The following WWOX variants were observed in gnomAD, a reference collection of about 807,000 sequenced individuals.
The protein encoded by WWOX is WW domain containing oxidoreductase, also known as WW domain-containing oxidoreductase.
In WWOX, 69 loss-of-function variants were observed where a neutral mutation model predicts 46.2. The ratio of observed to expected loss-of-function variants is 1.49; its 90% confidence interval spans 1.23 to 1.82. The LOEUF (loss-of-function observed/expected upper bound fraction) is 1.82, where lower values mean the gene tolerates loss of function less well. Ranked by LOEUF, WWOX falls within the 40% of genes most tolerant of loss-of-function variation. The pLI is 0.00. For missense variants in WWOX, 919 were observed against 542.6 expected, an observed-to-expected ratio of 1.69 and a Z score of -6.89; for synonymous variants, 359 against 202.6, an observed-to-expected ratio of 1.77 and a Z score of -6.56.
intron 8 of WWOX, among the ~76,000 whole-genome samples, chr16:79,058,419 C>T (rs1448368631): frequency 6.6e-6 from 1 of 151,570 alleles, no homozygotes; most frequent in Non-Finnish European, 1.5e-5. Context: ...TTGTTGTTAC[C>T]ATTTATTGAA....
chr16:78,759,578 C>T (rs1188790353), intron 8 of WWOX, among the ~76,000 whole-genome samples: 2 of 152,068 alleles, frequency 1.3e-5, no homozygotes, highest in African/African-American at 2.4e-5. Context: ...TTAAACTAAC[C>T]CTCTAAAGAA....
intron 8 of WWOX, among the ~76,000 whole-genome samples, chr16:78,867,709 TAA>T (rs2044036553): frequency 6.6e-6 from 1 of 151,994 alleles, no homozygotes; most frequent in Non-Finnish European, 1.5e-5. Flanking sequence ...CCTGGCTAAT[TAA>T]GTGAGTTTCT....
At chr16:79,150,868 C>T (rs2050265230) in intron 8 of WWOX, among the ~76,000 whole-genome samples, 2 of 152,052 alleles carry the variant, frequency 1.3e-5, no homozygotes, top group Non-Finnish European at 2.9e-5. Context: ...TGGAGTGAGC[C>T]AAATAAAATA....
chr16:78,506,328 C>T (rs1030217524), intron 8 of WWOX, among the ~76,000 whole-genome samples: 4 of 152,204 alleles, frequency 2.6e-5, no homozygotes, highest in African/African-American at 9.6e-5. Flanking sequence ...TGGTCAGTGA[C>T]TTAGCCACTC....
chr16:78,144,446 T>C (rs1387265849), intron 4 of WWOX, among the ~76,000 whole-genome samples: 1 of 9,968 alleles, frequency 1.0e-4, no homozygotes, highest in Non-Finnish European at 1.8e-4. Flanking sequence ...TATATATATA[T>C]ACACATATAT....
intron 8 of WWOX, among the ~76,000 whole-genome samples, chr16:78,865,247 T>C (rs531021328): frequency 9.5e-4 from 144 of 152,286 alleles, no homozygotes; most frequent in Non-Finnish European, 1.7e-3. Context: ...TGACTTACTC[T>C]CTTCCTTTAT....
intron 8 of WWOX, among the ~76,000 whole-genome samples, chr16:78,572,912 T>C (rs2044754312): frequency 6.6e-6 from 1 of 152,178 alleles, no homozygotes. Flanking sequence ...TATTAAAGTG[T>C]ACACACATTG....
intron 8 of WWOX, among the ~76,000 whole-genome samples, chr16:78,544,478 C>T (rs982446858): frequency 2.0e-5 from 3 of 152,156 alleles, no homozygotes; most frequent in Non-Finnish European, 4.4e-5. Context: ...TAAATGAATG[C>T]CAAAGTCACA....
At chr16:78,139,249 A>G (rs1763118535) in intron 4 of WWOX, among the ~76,000 whole-genome samples, 1 of 152,208 alleles carries the variant, frequency 6.6e-6, no homozygotes, top group South Asian at 2.1e-4. Context: ...AACCAGGACC[A>G]ATGGACAAAA....
intron 5 of WWOX, among the ~76,000 whole-genome samples, chr16:78,250,149 G>C (rs2037945074): frequency 1.3e-5 from 2 of 152,214 alleles, no homozygotes; most frequent in African/African-American, 2.4e-5. Context: ...TTGTGTAACA[G>C]TAGTAATCTC....
intron 8 of WWOX, among the ~76,000 whole-genome samples, chr16:79,033,965 C>G (rs1027461862): frequency 5.3e-5 from 8 of 152,064 alleles, no homozygotes; most frequent in African/African-American, 1.9e-4. Flanking sequence ...ACTGACTGGC[C>G]CAGCCAAGGG....
chr16:78,720,809 A>G (rs2048671503), intron 8 of WWOX, among the ~76,000 whole-genome samples: 1 of 152,100 alleles, frequency 6.6e-6, no homozygotes, highest in Non-Finnish European at 1.5e-5. Flanking sequence ...GCCTTCCTCC[A>G]AAAGTACATT....
intron 8 of WWOX, among the ~76,000 whole-genome samples, chr16:78,997,518 T>A (rs1433250906): frequency 6.6e-6 from 1 of 152,210 alleles, no homozygotes; most frequent in Non-Finnish European, 1.5e-5. Flanking sequence ...ACACTTTCAT[T>A]GCCCTTTGCT....
chr16:79,180,217 A>G (rs12935684), intron 8 of WWOX, among the ~76,000 whole-genome samples: 74,064 of 151,948 alleles, frequency 0.49, 19,018 homozygotes, highest in East Asian at 0.89. Context: ...AGAGAGAGAG[A>G]TCAGTAATTT....
At chr16:78,734,106 C>G (rs1245351368) in intron 8 of WWOX, among the ~76,000 whole-genome samples, 1 of 151,888 alleles carries the variant, frequency 6.6e-6, no homozygotes, top group East Asian at 1.9e-4. Context: ...ATCCGTCCAT[C>G]TATTCATACA....
intron 8 of WWOX, among the ~76,000 whole-genome samples, chr16:78,914,456 G>C (rs987978294): frequency 6.6e-6 from 1 of 152,048 alleles, no homozygotes; most frequent in Non-Finnish European, 1.5e-5. Flanking sequence ...AACAGTTCCA[G>C]ATTCATGAAA....
chr16:79,212,243 G>T lies in WWOX; in HGVS notation c.*447G>T. 7.5e-7 allele frequency: 1 copy of T among 1,339,436 alleles called. No homozygotes were observed. Among genetic ancestry groups the T allele is most frequent in the South Asian group, 1.6e-5 (1 of 64,020 alleles). The allele number at this position is 1,339,436 out of a possible 1,614,324, so 83.0% of individuals were successfully genotyped here. A position where few individuals can be genotyped will look rare whatever the true frequency, so the allele number is the denominator to read the frequency against. On this transcript the variant is annotated 3_prime_UTR_variant, in exon 9 of 9. Transcript: ENST00000566780. Reference sequence around the variant, plus strand: ...AGTGTTCACTGCTCCTTGCTGCATTGATCCAGGAGATAATTGTTTCATTCA... The same window carrying T: ...AGTGTTCACTGCTCCTTGCTGCATTTATCCAGGAGATAATTGTTTCATTCA...
intron 8 of WWOX, among the ~76,000 whole-genome samples, chr16:78,753,328 G>A (rs77056189): frequency 0.034 from 5,082 of 147,524 alleles, 188 homozygotes; most frequent in African/African-American, 0.099. Context: ...CAAAAAAAAA[G>A]AAAAAAGAAA....
At chr16:78,586,817 G>A (rs941019101) in intron 8 of WWOX, among the ~76,000 whole-genome samples, 3 of 152,000 alleles carry the variant, frequency 2.0e-5, no homozygotes, top group Non-Finnish European at 2.9e-5. Context: ...TATAATTGAT[G>A]GGTCTATAAT....
Sources: gnomAD v4.1 joint callset for allele counts (sites outside exome capture counted in the v4.1 genomes callset) on GRCh38, gnomAD v4.1.1 for gene constraint, MANE v1.5 for transcripts, NCBI Gene and HGNC (gene_info 2026-07-23, HGNC 2026-07-21) for gene names.